Variants in CNNM1 observed in about 807,000 individuals in gnomAD.
The protein encoded by CNNM1 is cyclin and CBS domain divalent metal cation transport mediator 1.
In CNNM1, 44 loss-of-function variants were observed where a neutral mutation model predicts 78.8. That is an observed-to-expected ratio of 0.56 (90% confidence interval 0.44 to 0.72). The LOEUF is 0.72. Among genes scored for constraint, CNNM1 ranks in the 30% least tolerant of loss-of-function variants. The pLI is 0.00. For missense variants in CNNM1, 1,101 were observed against 1,292.2 expected, an observed-to-expected ratio of 0.85 and a Z score of 2.27; for synonymous variants, 584 against 581.5, an observed-to-expected ratio of 1.00 and a Z score of -0.06.
chr10:99,388,165 C>G lies in CNNM1; in HGVS notation c.2538C>G (p.Asp846Glu). 1 of 1,613,668 alleles carries G rather than the reference C, an allele frequency of 6.2e-7. No individual in the cohort carries two copies. Among genetic ancestry groups the G allele is most frequent in the Non-Finnish European group, 8.5e-7 (1 of 1,179,824 alleles). Residue 846 changes from aspartate to glutamate, a missense_variant, in exon 9 of 11, where the codon GAC (aspartate) becomes GAG (glutamate). Asp to Glu is a conservative substitution (Grantham distance 45). Transcript: ENST00000356713. Reference protein sequence around the residue: ...NRNSLPCSRSDGLRSPSEVVY... With the variant: ...NRNSLPCSRSEGLRSPSEVVY... ...TGTCCTCCCCAGGCAGCCGCTCAGA[C>G]GGGCTGAGAAGCCCCAGCGAGGTAG... is the stretch of plus-strand genomic sequence containing the variant.
chr10:99,390,915 G>A (rs559937363), intron 10 of CNNM1, among the ~76,000 whole-genome samples: 70 of 152,306 alleles, frequency 4.6e-4, no homozygotes, highest in African/African-American at 1.6e-3. Flanking sequence ...AACAGACCTG[G>A]GAACAGATTG....
At chr10:99,364,725 G>T (rs7919163) in intron 5 of CNNM1, among the ~76,000 whole-genome samples, 45 of 152,172 alleles carry the variant, frequency 3.0e-4, no homozygotes, top group African/African-American at 1.0e-3. Flanking sequence ...ACAAAAAATT[G>T]AATTGTAAAA....
chr10:99,365,154 CT>C (rs1358591952), intron 6 of CNNM1, 152 bp downstream of exon 6: 2 of 763,036 alleles, frequency 2.6e-6, no homozygotes, highest in Admixed American at 4.0e-5. Flanking sequence ...ACACTGCTTC[CT>C]GCCAGGTACC....
chr10:99,354,376 A>G (rs1007634895), intron 1 of CNNM1, among the ~76,000 whole-genome samples: 23 of 152,236 alleles, frequency 1.5e-4, no homozygotes, highest in African/African-American at 5.1e-4. Flanking sequence ...GTTATATTTT[A>G]TCAAAAAATA....
chr10:99,329,907 C>T lies in CNNM1; in HGVS notation c.520C>T (p.Arg174Trp), dbSNP rs1020931217. The T allele has an allele frequency of 7.2e-7, 1 of 1,384,512 alleles. No individual in the cohort carries two copies. Among genetic ancestry groups the T allele is most frequent in the Non-Finnish European group, 9.3e-7 (1 of 1,077,046 alleles). 85.8% of individuals were successfully genotyped at this position (1,384,512 alleles called of 1,614,324 possible). The part of the protein sequence containing the change: ...VRELRKGEAE[R>W]GGAGGGGKLF... ...GGAGCTGCGCAAGGGCGAAGCGGAG[C>T]GGGGCGGCGCGGGCGGTGGCGGGAA... The change falls in exon 1 of 11, where the codon CGG becomes TGG. Residue 174 changes from arginine to tryptophan, a missense_variant. By Grantham distance (101) the Arg-to-Trp change is moderately radical (BLOSUM62 -3). Transcript: ENST00000356713.
Position 99,329,409 on chromosome 10 carries a change from G to T in CNNM1, c.22G>T (p.Ala8Ser). Residue 8 changes from alanine (A) to serine (S), a missense_variant, in exon 1 of 11, where the codon GCA becomes TCA. Coordinates refer to ENST00000356713, the MANE Select transcript of CNNM1 (RefSeq NM_020348.3). The stretch of plus-strand genomic sequence containing the variant: ...CAGGATGGCGGCGGCCGCGGCGGCG[G>T]CAGCAGCGGTGGGTGTCAGGCTCCG... Reference protein sequence around the residue: MAAAAAAAAAVGVRLRDC... With the variant: MAAAAAASAAVGVRLRDC... The T allele has an allele frequency of 1.1e-6, 1 of 892,722 alleles. No homozygotes were observed. Among genetic ancestry groups the T allele is most frequent in the African/African-American group, 1.8e-5 (1 of 56,294 alleles). The allele number at this position is 892,722 out of a possible 1,614,324, so 55.3% of individuals were successfully genotyped here.
intron 6 of CNNM1, chr10:99,365,223 C>G (rs2031574801): frequency 1.6e-6 from 1 of 640,282 alleles, no homozygotes; most frequent in Non-Finnish European, 2.8e-6. Context: ...TGCTTCTCTG[C>G]TCACATGGTT....
intron 6 of CNNM1, among the ~76,000 whole-genome samples, chr10:99,368,869 A>T (rs755689759): frequency 6.6e-6 from 1 of 152,184 alleles, no homozygotes; most frequent in African/African-American, 2.4e-5. Flanking sequence ...CAGTGGTGTC[A>T]TTTGTGAGTT....
chr10:99,390,327 A>G lies in CNNM1; in HGVS notation c.2696A>G (p.Asn899Ser), dbSNP rs1193525570. Reference sequence around the variant, plus strand: ...TCAGCATCAGATAGTGAATGTTGTAACATCAACCTGGATACAGAGACCAGC... The same window carrying G: ...TCAGCATCAGATAGTGAATGTTGTAGCATCAACCTGGATACAGAGACCAGC... ...TRAASDSECC[N>S]INLDTETSPC... The change falls in exon 10 of 11, where the codon AAC becomes AGC. Residue 899 changes from asparagine (N) to serine (S), a missense_variant. Asn to Ser is a conservative substitution (Grantham distance 46). Transcript: ENST00000356713. The G allele has an allele frequency of 1.2e-6, 2 of 1,612,930 alleles. No individual in the cohort carries two copies. The highest frequency in any genetic ancestry group is 1.3e-5 in the African/African-American group (1 of 75,036).
At chr10:99,350,662 G>A (rs1297097913) in intron 1 of CNNM1, among the ~76,000 whole-genome samples, 2 of 152,084 alleles carry the variant, frequency 1.3e-5, no homozygotes, top group African/African-American at 4.8e-5. Context: ...AGGTTCCGGG[G>A]TATATGTGCA....
At chr10:99,354,491 AG>A (rs2031062222) in intron 1 of CNNM1, among the ~76,000 whole-genome samples, 1 of 152,198 alleles carries the variant, frequency 6.6e-6, no homozygotes, top group Non-Finnish European at 1.5e-5. Context: ...TGATATATGG[AG>A]GGAACTTTAT....
chr10:99,379,116 T>C (rs1219495001), intron 7 of CNNM1, among the ~76,000 whole-genome samples: 1 of 152,200 alleles, frequency 6.6e-6, no homozygotes, highest in African/African-American at 2.4e-5. Flanking sequence ...CTGGTTGGTT[T>C]TCGTGTTGGA....
intron 4 of CNNM1, 67 bp from the exon 5 acceptor site, chr10:99,364,350 C>A: frequency 1.7e-6 from 2 of 1,182,554 alleles, no homozygotes; most frequent in Non-Finnish European, 1.2e-6. Flanking sequence ...GCTTAGGATT[C>A]GAGTCAATAG....
intron 3 of CNNM1, among the ~76,000 whole-genome samples, chr10:99,361,302 G>T (rs2031425749): frequency 6.6e-6 from 1 of 152,156 alleles, no homozygotes; most frequent in South Asian, 2.1e-4. Context: ...TGTTAGACTT[G>T]CAGTGCCCTA....
intron 1 of CNNM1, among the ~76,000 whole-genome samples, chr10:99,356,533 A>AC (rs1311550765): frequency 1.6e-5 from 2 of 127,662 alleles, no homozygotes; most frequent in Non-Finnish European, 3.2e-5. Flanking sequence ...AGAAAGAAAG[A>AC]AAGAAAGACA....
Position 99,391,517 on chromosome 10 carries a change from C to T in CNNM1, c.*1C>T, listed in dbSNP as rs1014041378. Reference sequence around the variant, plus strand: ...CAATTTAACACCTCTGATCACATGACAGGGCAAAGCCAGCATTCACTGGGT... The same window carrying T: ...CAATTTAACACCTCTGATCACATGATAGGGCAAAGCCAGCATTCACTGGGT... On this transcript the variant is annotated 3_prime_UTR_variant, in exon 11 of 11. Transcript: ENST00000356713. The T allele has an allele frequency of 4.3e-6, 7 of 1,612,916 alleles. No homozygotes were observed. In the African/African-American group the frequency reaches 6.7e-5, roughly 15 times the overall value.
chr10:99,388,409 G>A, intron 9 of CNNM1, 108 bp downstream of exon 9: 3 of 1,306,142 alleles, frequency 2.3e-6, no homozygotes, highest in Non-Finnish European at 3.1e-6. Context: ...CGCAGCCCGT[G>A]CGTTAAACCT....
chr10:99,355,659 C>G (rs2031116345), intron 1 of CNNM1, among the ~76,000 whole-genome samples: 1 of 152,202 alleles, frequency 6.6e-6, no homozygotes, highest in African/African-American at 2.4e-5. Context: ...CAGGTTAGTA[C>G]TGAACTTAGT....
chr10:99,330,731 C>T lies in CNNM1; in HGVS notation c.1344C>T (p.Leu448=), dbSNP rs1850597862. Residue 448 remains leucine, a synonymous_variant, in exon 1 of 11, where the codon CTC becomes CTT. Coordinates refer to ENST00000356713, the MANE Select transcript of CNNM1 (RefSeq NM_020348.3). ...DCFMLRSDAV[L]DFATVSEILR... ...TCATGCTGCGCTCAGACGCGGTGCT[C>T]GACTTCGCCACTGTCTCCGAGATCC... 2 of 1,614,012 alleles carry T rather than the reference C, an allele frequency of 1.2e-6. No individual in the cohort carries two copies. The highest frequency in any genetic ancestry group is 2.2e-5 in the East Asian group (1 of 44,878).
Sources: allele counts gnomAD v4.1 joint callset (sites outside exome capture counted in the v4.1 genomes callset), GRCh38; gene constraint gnomAD v4.1.1; transcripts MANE v1.5; gene names NCBI Gene and HGNC (gene_info 2026-07-23, HGNC 2026-07-21).